Variants in ANKRD55 observed in about 807,000 individuals in gnomAD.
ANKRD55 encodes the protein ankyrin repeat domain-containing protein 55.
In ANKRD55, 41 loss-of-function variants were observed where a neutral mutation model predicts 60.6. The observed-to-expected ratio is 0.68, with a 90% confidence interval of 0.53 to 0.88. ANKRD55 has a LOEUF of 0.88. ANKRD55 is among the 40% of genes least tolerant of loss of function. ANKRD55 has a pLI of 0.00. For missense variants in ANKRD55, 732 were observed against 767.6 expected (o/e 0.95, Z 0.55); for synonymous variants, 264 against 290.3 (o/e 0.91, Z 0.92).
intron 2 of ANKRD55, among the ~76,000 whole-genome samples, chr5:56,228,720 C>T (rs1168264014): frequency 1.3e-5 from 2 of 152,142 alleles, no homozygotes; most frequent in African/African-American, 2.4e-5. Context: ...CCACTGCACC[C>T]GGCCTGCTGC....
chr5:56,152,098 AGT>A (rs1758068939), intron 6 of ANKRD55, among the ~76,000 whole-genome samples: 1 of 143,466 alleles, frequency 7.0e-6, no homozygotes. Context: ...GGGGCTCCTA[AGT>A]AGTGGTGACC....
intron 2 of ANKRD55, among the ~76,000 whole-genome samples, chr5:56,201,164 G>A (rs1759360552): frequency 6.6e-6 from 1 of 152,174 alleles, no homozygotes; most frequent in Admixed American, 6.5e-5. Context: ...CTCTCCCCCT[G>A]CGGGATTATC....
intron 7 of ANKRD55, chr5:56,136,983 T>A (rs138675220): frequency 1.0e-4 from 61 of 607,394 alleles, no homozygotes; most frequent in African/African-American, 9.7e-4. Flanking sequence ...GTGAAAATGA[T>A]TCGCTCTTCA....
At chr5:56,109,646 A>C (rs1756613620) in intron 10 of ANKRD55, among the ~76,000 whole-genome samples, 1 of 152,044 alleles carries the variant, frequency 6.6e-6, no homozygotes, top group Admixed American at 6.6e-5. Flanking sequence ...CCTATGGATC[A>C]TTTAAAAAAT....
chr5:56,171,663 T>C (rs893830111), intron 4 of ANKRD55, among the ~76,000 whole-genome samples: 1 of 152,208 alleles, frequency 6.6e-6, no homozygotes, highest in Admixed American at 6.5e-5. Context: ...TACTTAAAAA[T>C]AGATGAAATT....
rs1554038377 is a variant in ANKRD55, at chr5:56,133,450, A to AC, written c.613-6345_613-6344insG. On this transcript the variant is annotated intron_variant, in intron 7 of 11. Transcript: ENST00000341048. ...GAAGACTCCGTCTCAAAAAAAAAAA[A>AC]AAACAATTAATTAATTGGATACAAT... 2.6e-5 allele frequency among the ~76,000 whole-genome samples: 3 copies of AC among 113,380 alleles called. 1 individual carries two copies. Among genetic ancestry groups the AC allele is most frequent in the Admixed American group, 1.7e-4 (2 of 11,660 alleles). The allele number at this position is 113,380 out of a possible 152,430, so 74.4% of individuals were successfully genotyped here. A position where few individuals can be genotyped will look rare whatever the true frequency, so the allele number is the denominator to read the frequency against.
rs189701249 is a variant in ANKRD55 at position 56,230,161 on chromosome 5, T to C, written c.58+2695A>G. Among the ~76,000 whole-genome samples the C allele has an allele frequency of 7.4e-3, 1,130 of 152,240 alleles. 16 individuals are homozygous for C. The highest frequency in any genetic ancestry group is 0.026 in the African/African-American group (1,072 of 41,530). The stretch of plus-strand genomic sequence containing the variant: ...GCCAGGTTGGAGTGCAGTGGCCTGA[T>C]CTCAGCTCACCGCAACCTCCACCTC... On this transcript the variant is annotated intron_variant, in intron 2 of 11. Transcript: ENST00000341048.
At chr5:56,109,549 T>C (rs1174190188) in intron 10 of ANKRD55, among the ~76,000 whole-genome samples, 2 of 151,832 alleles carry the variant, frequency 1.3e-5, no homozygotes, top group Admixed American at 6.6e-5. Flanking sequence ...TTTTTTTTTT[T>C]CTGTAGAGAT....
chr5:56,113,172 T>C (rs940017910), intron 9 of ANKRD55, among the ~76,000 whole-genome samples: 18 of 152,188 alleles, frequency 1.2e-4, no homozygotes, highest in Admixed American at 9.8e-4. Context: ...CACTGAACCC[T>C]TGGAGAGGGA....
intron 7 of ANKRD55, 91 bp from the exon 8 acceptor site, chr5:56,127,197 A>C: frequency 7.4e-7 from 1 of 1,347,552 alleles, no homozygotes; most frequent in Non-Finnish European, 9.6e-7. Context: ...AAGGAAAAAA[A>C]GGAAAGAAAG....
rs1279395543 is a variant in ANKRD55 at position 56,170,865 on chromosome 5, A to T, written c.313-62T>A. On this transcript the variant is annotated intron_variant, in intron 4 of 11. Coordinates refer to ENST00000341048, the MANE Select transcript of ANKRD55 (RefSeq NM_024669.3). Reference sequence around the variant, plus strand: ...AAGCTCACGTAACATGGTCCAACAAACTTTCTCTAGATTTTTTTCCCTTTC... The same window carrying T: ...AAGCTCACGTAACATGGTCCAACAATCTTTCTCTAGATTTTTTTCCCTTTC... 7.6e-6 allele frequency: 11 copies of T among 1,456,732 alleles called. No individual in the cohort carries two copies. In the East Asian group the frequency reaches 1.1e-4, roughly 15 times the overall value. The allele number at this position is 1,456,732 out of a possible 1,614,324, so 90.2% of individuals were successfully genotyped here.
Position 56,100,195 on chromosome 5 carries a change from A to G in ANKRD55, c.1833T>C (p.Ser611=). ...GAGTGGCCCACAGTTAATTTTCATC[A>G]CTGGTGGGGTTGGCAGAATGTTCAC... is the stretch of plus-strand genomic sequence containing the variant. The part of the protein sequence containing the change: ...EESEHSANPT[S]DEN The change falls in exon 12 of 12, where the codon AGT becomes AGC. Residue 611 remains serine, a synonymous_variant. Coordinates refer to ENST00000341048, the MANE Select transcript of ANKRD55 (RefSeq NM_024669.3). The G allele has an allele frequency of 6.2e-7, 1 of 1,614,090 alleles. No individual in the cohort carries two copies.
At chr5:56,230,147 G>A (rs1307995193) in intron 2 of ANKRD55, among the ~76,000 whole-genome samples, 1 of 152,098 alleles carries the variant, frequency 6.6e-6, no homozygotes, top group Non-Finnish European at 1.5e-5. Flanking sequence ...CCAGGTTGGA[G>A]TGCAGTGGCC....
chr5:56,152,236 T>A (rs534349137), intron 6 of ANKRD55, among the ~76,000 whole-genome samples: 3 of 151,550 alleles, frequency 2.0e-5, no homozygotes, highest in East Asian at 3.9e-4. Flanking sequence ...AGGGACTGTT[T>A]CTTCTGCTTT....
chr5:56,190,307 A>G (rs373561152), intron 2 of ANKRD55, among the ~76,000 whole-genome samples: 91 of 152,142 alleles, frequency 6.0e-4, no homozygotes, highest in Admixed American at 1.6e-3. Flanking sequence ...GTGTCCTTTG[A>G]TGACAAAGCT....
chr5:56,174,348 T>C (rs1000787569), intron 4 of ANKRD55, among the ~76,000 whole-genome samples: 1 of 152,194 alleles, frequency 6.6e-6, no homozygotes, highest in African/African-American at 2.4e-5. Flanking sequence ...CTACATTCTA[T>C]TTGCTAGTGG....
chr5:56,122,469 G>A (rs573280654), intron 8 of ANKRD55, among the ~76,000 whole-genome samples: 1 of 151,768 alleles, frequency 6.6e-6, no homozygotes, highest in East Asian at 2.0e-4. Flanking sequence ...TGGCCAACAT[G>A]GTGAAACCCC....
At chr5:56,222,722 C>G (rs2111891655) in intron 2 of ANKRD55, among the ~76,000 whole-genome samples, 2 of 152,260 alleles carry the variant, frequency 1.3e-5, no homozygotes, top group South Asian at 4.1e-4. Flanking sequence ...GCTTCAGTAG[C>G]TGATTCGATC....
intron 4 of ANKRD55, among the ~76,000 whole-genome samples, chr5:56,171,936 G>C: frequency 6.6e-6 from 1 of 152,124 alleles, no homozygotes; most frequent in Non-Finnish European, 1.5e-5. Context: ...GGCTAACAAG[G>C]TTGAAACCCC....
Sources: gnomAD v4.1 joint callset for allele counts (sites outside exome capture counted in the v4.1 genomes callset) on GRCh38, gnomAD v4.1.1 for gene constraint, MANE v1.5 for transcripts, NCBI Gene and HGNC (gene_info 2026-07-23, HGNC 2026-07-21) for gene names.